ERBB4: variants seen among roughly 807,000 people sequenced by gnomAD.
ERBB4 encodes the protein receptor tyrosine-protein kinase erbB-4.
Under a neutral mutation model 158.0 loss-of-function variants are expected in ERBB4, and 42 were observed. The ratio of observed to expected loss-of-function variants is 0.27; its 90% CI spans 0.21 to 0.34. The LOEUF is 0.34. Among genes scored for constraint, ERBB4 ranks in the 10% least tolerant of loss-of-function variants. The pLI is 1.00. For missense variants in ERBB4, 1,333 were observed against 1,624.1 expected (o/e 0.82, Z 3.08); for synonymous variants, 583 against 558.7 (o/e 1.04, Z -0.61).
At chr2:211,391,625 C>T (rs891908784) in intron 25 of ERBB4, among the ~76,000 whole-genome samples, 1 of 152,050 alleles carries the variant, frequency 6.6e-6, no homozygotes, top group African/African-American at 2.4e-5. Context: ...ACTTAAATGC[C>T]AGAGATTAAA....
At chr2:211,730,677 A>G (rs1314602712) in intron 5 of ERBB4, among the ~76,000 whole-genome samples, 4 of 152,074 alleles carry the variant, frequency 2.6e-5, no homozygotes, top group African/African-American at 9.6e-5. Context: ...GCTCCCAGGT[A>G]ATGTCTCTAC....
At chr2:211,393,869 C>T (rs1328362819) in intron 25 of ERBB4, among the ~76,000 whole-genome samples, 1 of 151,448 alleles carries the variant, frequency 6.6e-6, no homozygotes, top group Non-Finnish European at 1.5e-5. Flanking sequence ...AAGAGCAAAG[C>T]CAGCCCTGAA....
intron 25 of ERBB4, among the ~76,000 whole-genome samples, chr2:211,404,873 T>C (rs1400268784): frequency 6.6e-6 from 1 of 152,120 alleles, no homozygotes; most frequent in Non-Finnish European, 1.5e-5. Flanking sequence ...CAATCTAATC[T>C]GCCAAATTCA....
intron 1 of ERBB4, among the ~76,000 whole-genome samples, chr2:212,361,532 T>C (rs1459630743): frequency 6.6e-6 from 1 of 151,682 alleles, no homozygotes. Context: ...ATTAATTCTT[T>C]TACTGGCACT....
chr2:212,101,560 T>C (rs1184011417), intron 2 of ERBB4, among the ~76,000 whole-genome samples: 1 of 151,636 alleles, frequency 6.6e-6, no homozygotes, highest in African/African-American at 2.4e-5. Flanking sequence ...ATAAATAATA[T>C]TCTAAAGAGC....
intron 3 of ERBB4, among the ~76,000 whole-genome samples, chr2:211,822,423 C>A (rs1417720991): frequency 6.6e-6 from 1 of 151,956 alleles, no homozygotes; most frequent in Non-Finnish European, 1.5e-5. Context: ...TATAACGTGT[C>A]AATTTAACTT....
intron 1 of ERBB4, among the ~76,000 whole-genome samples, chr2:212,273,161 T>C (rs2085404834): frequency 6.6e-6 from 1 of 151,788 alleles, no homozygotes; most frequent in Non-Finnish European, 1.5e-5. Context: ...ACTCCAGATA[T>C]ATTGCTTAGT....
intron 3 of ERBB4, among the ~76,000 whole-genome samples, chr2:211,867,644 T>C (rs566609881): frequency 5.3e-5 from 8 of 152,146 alleles, no homozygotes; most frequent in African/African-American, 1.9e-4. Context: ...ATATTGCCCA[T>C]GCTGGCCTTG....
intron 19 of ERBB4, among the ~76,000 whole-genome samples, chr2:211,576,322 C>T (rs1222891673): frequency 6.6e-6 from 1 of 152,132 alleles, no homozygotes; most frequent in Non-Finnish European, 1.5e-5. Flanking sequence ...CATAAAGAAT[C>T]TCTGCAAGAG....
intron 4 of ERBB4, among the ~76,000 whole-genome samples, chr2:211,783,843 T>G (rs1039915504): frequency 9.2e-5 from 14 of 152,248 alleles, no homozygotes; most frequent in Admixed American, 2.0e-4. Context: ...TTTTTGTTGT[T>G]TCTCTGCCAG....
intron 16 of ERBB4, among the ~76,000 whole-genome samples, chr2:211,631,827 T>G (rs928430259): frequency 6.6e-6 from 1 of 152,120 alleles, no homozygotes; most frequent in Non-Finnish European, 1.5e-5. Context: ...TGCTCATGCT[T>G]TCCATAATAA....
At chr2:211,855,186 T>C (rs374529797) in intron 3 of ERBB4, among the ~76,000 whole-genome samples, 3 of 152,334 alleles carry the variant, frequency 2.0e-5, no homozygotes, top group South Asian at 2.1e-4. Flanking sequence ...ACATTTTTTA[T>C]TGAGTTACCT....
intron 1 of ERBB4, among the ~76,000 whole-genome samples, chr2:212,501,397 A>G (rs1360843513): frequency 6.6e-6 from 1 of 152,162 alleles, no homozygotes; most frequent in Admixed American, 6.5e-5. Flanking sequence ...ACCCTGATCC[A>G]TGTAAATACT....
intron 20 of ERBB4, among the ~76,000 whole-genome samples, chr2:211,506,041 G>A (rs534705075): frequency 5.9e-5 from 9 of 151,356 alleles, no homozygotes; most frequent in East Asian, 3.9e-4. Flanking sequence ...TAAGAGAACC[G>A]TCTAATGGCT....
chr2:211,513,219 A>G (rs948334451), intron 20 of ERBB4, among the ~76,000 whole-genome samples: 13 of 152,216 alleles, frequency 8.5e-5, no homozygotes, highest in African/African-American at 2.6e-4. Context: ...ACAAGTTTTT[A>G]GTGAGAGTGC....
At chr2:211,675,199 G>A (rs946009370) in intron 13 of ERBB4, among the ~76,000 whole-genome samples, 1 of 114,946 alleles carries the variant, frequency 8.7e-6, no homozygotes, top group Non-Finnish European at 1.8e-5. Context: ...TATTAAGTAT[G>A]AGCTTTGGAT....
At chr2:212,386,694 G>A (rs1164275324) in intron 1 of ERBB4, among the ~76,000 whole-genome samples, 4 of 151,454 alleles carry the variant, frequency 2.6e-5, no homozygotes, top group Non-Finnish European at 5.9e-5. Context: ...ATCCTAACTT[G>A]CCTTGTTATT....
intron 7 of ERBB4, among the ~76,000 whole-genome samples, chr2:211,714,595 A>G (rs540801836): frequency 6.6e-6 from 1 of 152,332 alleles, no homozygotes; most frequent in South Asian, 2.1e-4. Flanking sequence ...TCAGAAAATC[A>G]CAACAGAGAC....
intron 13 of ERBB4, among the ~76,000 whole-genome samples, chr2:211,676,620 A>G (rs2072083790): frequency 1.3e-5 from 2 of 152,196 alleles, no homozygotes; most frequent in Non-Finnish European, 2.9e-5. Context: ...ACGTTCTAGC[A>G]TTGGCTTGAG....
Sources: gnomAD v4.1 joint callset for allele counts (sites outside exome capture counted in the v4.1 genomes callset) on GRCh38, gnomAD v4.1.1 for gene constraint, MANE v1.5 for transcripts, NCBI Gene and HGNC (gene_info 2026-07-23, HGNC 2026-07-21) for gene names.